AMPH: variants seen among roughly 807,000 people sequenced by gnomAD.
The protein encoded by AMPH is amphiphysin (Stiff-Mann syndrome with breast cancer 128kD autoantigen).
Under a neutral mutation model 99.1 loss-of-function variants are expected in AMPH, and 49 were observed. That is an observed-to-expected ratio of 0.49 (90% CI 0.39 to 0.63). The LOEUF (loss-of-function observed/expected upper bound fraction) is 0.63. Among genes scored for constraint, AMPH ranks in the 20% least tolerant of loss-of-function variants. The probability of loss-of-function intolerance (pLI) is 0.00; values close to 1 mark genes in which losing one functional copy is unlikely to be tolerated. For missense variants in AMPH, 759 were observed against 863.4 expected (o/e 0.88, Z 1.52); for synonymous variants, 314 against 317.3 (o/e 0.99, Z 0.11).
intron 1 of AMPH, among the ~76,000 whole-genome samples, chr7:38,580,658 GGATGATGATGATGAT>G (rs60977723): frequency 1.8e-4 from 27 of 149,498 alleles, no homozygotes; most frequent in South Asian, 4.3e-4. Context: ...AAGAGATATG[GGATGATGATGATGAT>G]GATGATGATG....
intron 11 of AMPH, among the ~76,000 whole-genome samples, chr7:38,441,794 T>TATATGATAG (rs1424373310): frequency 0.017 from 1,905 of 113,004 alleles, 112 homozygotes; most frequent in African/African-American, 0.062. Context: ...ATCTGTCATA[T>TATATGATAG]ATATCATATA....
At position 38,527,114 on chromosome 7, in the gene AMPH, AATCTACATGTCT is replaced by A. The variant is rs553747965; in HGVS notation, c.150+7805_150+7816del. Among the ~76,000 whole-genome samples the A allele has an allele frequency of 7.5e-3, 1,140 of 152,310 alleles. 10 individuals are homozygous for A. Among genetic ancestry groups the A allele is most frequent in the Non-Finnish European group, 0.013 (862 of 68,014 alleles). ...TCTTGGTTACCTATTCTGTTCTATTAATCTACATGTCTATCTCTCTGCCAATACAATGTCTTG... is the reference window on the plus strand; with the variant it reads ...TCTTGGTTACCTATTCTGTTCTATTAATCTCTCTGCCAATACAATGTCTTG... On this transcript the variant is annotated intron_variant, in intron 2 of 20. Transcript: ENST00000356264.
chr7:38,385,014 G>T, intron 20 of AMPH, 89 bp from the exon 21 acceptor site: 1 of 1,207,632 alleles, frequency 8.3e-7, no homozygotes, highest in Non-Finnish European at 1.2e-6. Flanking sequence ...TTACATTAGT[G>T]TTGTGGTTCT....
At chr7:38,455,937 C>T (rs1245631255) in intron 11 of AMPH, among the ~76,000 whole-genome samples, 1 of 152,190 alleles carries the variant, frequency 6.6e-6, no homozygotes, top group Non-Finnish European at 1.5e-5. Flanking sequence ...ATCCTATGCA[C>T]CTCTGAGGGC....
intron 2 of AMPH, among the ~76,000 whole-genome samples, chr7:38,520,538 G>A (rs539172172): frequency 2.0e-5 from 3 of 152,258 alleles, no homozygotes; most frequent in South Asian, 2.1e-4. Flanking sequence ...ATGACTAAAC[G>A]TTGAGTCTTC....
At chr7:38,468,375 T>C (rs1360977292) in intron 7 of AMPH, among the ~76,000 whole-genome samples, 2 of 152,186 alleles carry the variant, frequency 1.3e-5, no homozygotes, top group Non-Finnish European at 2.9e-5. Context: ...GCACTTCTAT[T>C]AAACATATTT....
chr7:38,573,662 C>T (rs894261166), intron 1 of AMPH, among the ~76,000 whole-genome samples: 1 of 152,162 alleles, frequency 6.6e-6, no homozygotes, highest in Non-Finnish European at 1.5e-5. Context: ...GTTTTTTGCA[C>T]TGATTGCATG....
intron 1 of AMPH, among the ~76,000 whole-genome samples, chr7:38,617,596 G>T (rs868085276): frequency 6.6e-6 from 1 of 152,182 alleles, no homozygotes; most frequent in Non-Finnish European, 1.5e-5. Context: ...AAACCATGCT[G>T]GGTGCCCAGG....
At chr7:38,604,215 T>C (rs1256323088) in intron 1 of AMPH, among the ~76,000 whole-genome samples, 1 of 152,232 alleles carries the variant, frequency 6.6e-6, no homozygotes, top group African/African-American at 2.4e-5. Flanking sequence ...ATTTTTGCAC[T>C]ATCTCCAACA....
chr7:38,431,573 G>A lies in AMPH; in HGVS notation c.1158+616C>T, dbSNP rs572453099. Among the ~76,000 whole-genome samples the A allele has an allele frequency of 9.2e-5, 14 of 151,772 alleles. No homozygotes were observed. In the South Asian group the frequency reaches 2.9e-3, roughly 32 times the overall value. ...TGGGAGGCTGAGGCAGGAGAAGGGT[G>A]TGAACCCGGGAGGCGGAGCTTGCAG... On this transcript the variant is annotated intron_variant, in intron 13 of 20. Transcript: ENST00000356264.
At chr7:38,480,467 T>A (rs1584147190) in intron 5 of AMPH, among the ~76,000 whole-genome samples, 1 of 152,144 alleles carries the variant, frequency 6.6e-6, no homozygotes, top group South Asian at 2.1e-4. Flanking sequence ...GCTCCCACCA[T>A]TTCTCTGACA....
chr7:38,442,331 G>A (rs1786588398), intron 11 of AMPH, among the ~76,000 whole-genome samples: 1 of 152,152 alleles, frequency 6.6e-6, no homozygotes, highest in African/African-American at 2.4e-5. Context: ...TCTTGTCCTA[G>A]TGGCTTCATC....
chr7:38,554,707 T>TTTGCTGAGCTA, intron 1 of AMPH, among the ~76,000 whole-genome samples: 1 of 152,214 alleles, frequency 6.6e-6, no homozygotes, highest in South Asian at 2.1e-4. Context: ...TTGTTTTCAA[T>TTTGCTGAGCTA]GCATTGCTGA....
At chr7:38,447,514 A>G (rs1786834388) in intron 11 of AMPH, among the ~76,000 whole-genome samples, 1 of 152,134 alleles carries the variant, frequency 6.6e-6, no homozygotes, top group African/African-American at 2.4e-5. Context: ...AGAGATTTCA[A>G]TATATAACTA....
chr7:38,489,412 G>C (rs147229801), intron 5 of AMPH, among the ~76,000 whole-genome samples: 3 of 151,948 alleles, frequency 2.0e-5, no homozygotes, highest in African/African-American at 7.2e-5. Flanking sequence ...GTTGAGGGGG[G>C]GGGAAGCTTC....
chr7:38,568,667 T>C (rs1237171513), intron 1 of AMPH, among the ~76,000 whole-genome samples: 1 of 152,190 alleles, frequency 6.6e-6, no homozygotes, highest in African/African-American at 2.4e-5. Context: ...TATTTGATTA[T>C]TGATGTCTGT....
chr7:38,495,529 G>A (rs994681227), intron 3 of AMPH, among the ~76,000 whole-genome samples: 1 of 151,868 alleles, frequency 6.6e-6, no homozygotes, highest in African/African-American at 2.4e-5. Flanking sequence ...TCTTTGGGAC[G>A]TGGGAGGAAG....
intron 1 of AMPH, among the ~76,000 whole-genome samples, chr7:38,573,051 T>C (rs972759156): frequency 1.3e-5 from 2 of 152,172 alleles, no homozygotes; most frequent in Non-Finnish European, 2.9e-5. Flanking sequence ...CAAAATGGTG[T>C]CAAGATTCCG....
intron 5 of AMPH, among the ~76,000 whole-genome samples, chr7:38,479,183 A>G (rs1788196619): frequency 6.6e-6 from 1 of 152,146 alleles, no homozygotes; most frequent in African/African-American, 2.4e-5. Context: ...AAACTACTTA[A>G]CATCAAGAAT....
Sources: gnomAD v4.1 joint callset for allele counts (sites outside exome capture counted in the v4.1 genomes callset) on GRCh38, gnomAD v4.1.1 for gene constraint, MANE v1.5 for transcripts, NCBI Gene and HGNC (gene_info 2026-07-23, HGNC 2026-07-21) for gene names.